LSM8: variants seen among roughly 807,000 people sequenced by gnomAD.
LSM8 encodes the protein LSM8 U6 small nuclear RNA associated.
In LSM8, 14 loss-of-function variants were observed where a neutral mutation model predicts 15.0. The ratio of observed to expected loss-of-function variants is 0.93; its 90% CI spans 0.62 to 1.46. LSM8 has a LOEUF of 1.46. LSM8 is among the 40% of genes most tolerant of loss of function. The pLI, the probability that LSM8 is intolerant of heterozygous loss-of-function variation, is 0.00. For synonymous variants in LSM8, 50 were observed against 42.1 expected, an observed-to-expected ratio of 1.19 and a Z score of -0.73; for missense variants, 90 against 115.4, an observed-to-expected ratio of 0.78 and a Z score of 1.01.
intron 3 of LSM8, chr7:118,190,032 G>T (rs1037553208): frequency 1.3e-5 from 2 of 152,136 alleles, no homozygotes; most frequent in African/African-American, 4.8e-5. Flanking sequence ...AATATAGTTG[G>T]AAAGAAGCAA....
chr7:118,192,804 A>G lies in LSM8; in HGVS notation c.*802A>G, dbSNP rs1203562762. On this transcript the variant is annotated 3_prime_UTR_variant, in exon 4 of 4. Coordinates refer to ENST00000249299, the MANE Select transcript of LSM8 (RefSeq NM_016200.5). ...AAAGTTAGTTTATAAATGTGAGTAA[A>G]TAAACTCTAAGTTTGTATTGAAGTA... 1.3e-5 allele frequency: 2 copies of G among 152,190 alleles called. No homozygotes were observed. The highest frequency in any genetic ancestry group is 4.8e-5 in the African/African-American group (2 of 41,456). 9.4% of individuals were successfully genotyped at this position (152,190 alleles called of 1,614,324 possible).
chr7:118,188,594 C>T, intron 3 of LSM8, 189 bp downstream of exon 3: 1 of 457,240 alleles, frequency 2.2e-6, no homozygotes, highest in Non-Finnish European at 3.7e-6. Context: ...TATGTCAGCA[C>T]TTCTTTAGGT....
In LSM8 at chr7:118,195,944, T is replaced by G. The variant is rs1268599725; in HGVS notation, c.*3942T>G. ...ATTGTGAGATATCTAGTACTTATGC[T>G]CCATCCTGTTTATAGGGATTATTGA... On this transcript the variant is annotated 3_prime_UTR_variant, in exon 4 of 4. Coordinates refer to ENST00000249299, the MANE Select transcript of LSM8 (RefSeq NM_016200.5). 2.0e-5 allele frequency among the ~76,000 whole-genome samples: 3 copies of G among 152,230 alleles called. No individual in the cohort carries two copies. The highest frequency in any genetic ancestry group is 6.5e-5 in the Admixed American group (1 of 15,288).
At position 118,198,487 on chromosome 7, in the gene LSM8, T is replaced by C. The variant is rs575839223; in HGVS notation, c.*6485T>C. On this transcript the variant is annotated 3_prime_UTR_variant, in exon 4 of 4. Transcript: ENST00000249299. ...CTGCATGACAGTAACAGAGATGACATGCCCGGTAAACTGGTGTTTGAAGGC... is the reference window on the plus strand; with the variant it reads ...CTGCATGACAGTAACAGAGATGACACGCCCGGTAAACTGGTGTTTGAAGGC... 2.0e-5 allele frequency among the ~76,000 whole-genome samples: 3 copies of C among 152,294 alleles called. No individual in the cohort carries two copies. The highest frequency in any genetic ancestry group is 6.5e-5 in the Admixed American group (1 of 15,286).
rs766430466 is a variant in LSM8 at position 118,196,577 on chromosome 7, T to A, written c.*4575T>A. ...GCTGAGAATTGTTCTTCCAGATACCTTTCCGACCTCTTCTTGGTTTTGGCA... is the reference window on the plus strand; with the variant it reads ...GCTGAGAATTGTTCTTCCAGATACCATTCCGACCTCTTCTTGGTTTTGGCA... On this transcript the variant is annotated 3_prime_UTR_variant, in exon 4 of 4. Transcript: ENST00000249299. Among the ~76,000 whole-genome samples, 2 of 152,020 alleles carry A rather than the reference T, an allele frequency of 1.3e-5. No homozygotes were observed. Among genetic ancestry groups the A allele is most frequent in the Non-Finnish European group, 2.9e-5 (2 of 67,972 alleles).
rs1299802189 is a variant in LSM8 at position 118,189,981 on chromosome 7, A to G, written c.200+1576A>G. ...TTAGTATAGTTATAGAGGCTAGAAG[A>G]ATGCCAAATCAGTTTTCTAGTGAGT... On this transcript the variant is annotated intron_variant, in intron 3 of 3. Transcript: ENST00000249299. 2.6e-5 allele frequency: 4 copies of G among 152,228 alleles called. No homozygotes were observed. The East Asian group carries it at 7.7e-4, about 29-fold the overall frequency. 9.4% of individuals were successfully genotyped at this position (152,228 alleles called of 1,614,324 possible).
At chr7:118,188,248 C>T (rs1360061906) in intron 2 of LSM8, 30 bp from the exon 3 acceptor site, 6 of 1,608,382 alleles carry the variant, frequency 3.7e-6, no homozygotes, top group East Asian at 2.2e-5. Context: ...CAGAATATTT[C>T]TCTTTTTCTC....
rs935633154 is a variant in LSM8 at position 118,200,365 on chromosome 7, A to G, written c.*8363A>G. 6.6e-6 allele frequency among the ~76,000 whole-genome samples: 1 copy of G among 152,080 alleles called. No homozygotes were observed. The highest frequency in any genetic ancestry group is 2.4e-5 in the African/African-American group (1 of 41,412). ...GATGCAGCTCTCACTGGTACAAGTG[A>G]AAAACCTCTCAGCCCTACACAGCAT... On this transcript the variant is annotated 3_prime_UTR_variant, in exon 4 of 4. Transcript: ENST00000249299.
rs928691978 is a variant in LSM8, at chr7:118,197,569, A to G, written c.*5567A>G. Among the ~76,000 whole-genome samples, 7 of 152,174 alleles carry G rather than the reference A, an allele frequency of 4.6e-5. No homozygotes were observed. Among genetic ancestry groups the G allele is most frequent in the African/African-American group, 7.2e-5 (3 of 41,452 alleles). On this transcript the variant is annotated 3_prime_UTR_variant, in exon 4 of 4. Coordinates refer to ENST00000249299, the MANE Select transcript of LSM8 (RefSeq NM_016200.5). ...AAATAAATGCCCTGAAAGTGATCACAATGATAGTTAAAAGTTAAATTTTTT... is the reference window on the plus strand; with the variant it reads ...AAATAAATGCCCTGAAAGTGATCACGATGATAGTTAAAAGTTAAATTTTTT...
chr7:118,184,430 C>G (rs1808848608), intron 1 of LSM8, 176 bp downstream of exon 1: 1 of 674,748 alleles, frequency 1.5e-6, no homozygotes, highest in South Asian at 2.8e-5. Context: ...CCCGCTGCTG[C>G]GGGCCCAGGG....
rs1415161323 is a variant in LSM8, at chr7:118,202,547, T to A, written c.*10545T>A. Among the ~76,000 whole-genome samples the A allele has an allele frequency of 6.6e-6, 1 of 151,978 alleles. No homozygotes were observed. The highest frequency in any genetic ancestry group is 2.4e-5 in the African/African-American group (1 of 41,424). On this transcript the variant is annotated 3_prime_UTR_variant, in exon 4 of 4. Coordinates refer to ENST00000249299, the MANE Select transcript of LSM8 (RefSeq NM_016200.5). Reference sequence around the variant, plus strand: ...GAGATTATCATATGGGAAAAATAAATGCTTTCCCAACTATAACCAGCAGAC... The same window carrying A: ...GAGATTATCATATGGGAAAAATAAAAGCTTTCCCAACTATAACCAGCAGAC...
At chr7:118,189,963 A>G (rs1808951287) in intron 3 of LSM8, 1 of 152,200 alleles carries the variant, frequency 6.6e-6, no homozygotes, top group African/African-American at 2.4e-5. Flanking sequence ...GTATTAGTAT[A>G]GTTATAGAGG....
chr7:118,200,710 CT>C lies in LSM8; in HGVS notation c.*8711del, dbSNP rs1322577201. 6.6e-6 allele frequency among the ~76,000 whole-genome samples: 1 copy of C among 151,902 alleles called. No homozygotes were observed. The highest frequency in any genetic ancestry group is 2.4e-5 in the African/African-American group (1 of 41,338). The stretch of plus-strand genomic sequence containing the variant: ...TAATTAATTGATAAATCACATTGTA[CT>C]TTATAAGAGTTTATTCCTTAAGTGT... On this transcript the variant is annotated 3_prime_UTR_variant, in exon 4 of 4. Transcript: ENST00000249299.
rs1809184700 is a variant in LSM8, at chr7:118,202,354, A to C, written c.*10352A>C. On this transcript the variant is annotated 3_prime_UTR_variant, in exon 4 of 4. Transcript: ENST00000249299. ...CATTTATCTCGAGAGAAAAGAACAG[A>C]AAAGTGAAAAGCAAGGCAGTTCAGA... is the stretch of plus-strand genomic sequence containing the variant. Among the ~76,000 whole-genome samples, 1 of 151,992 alleles carries C rather than the reference A, an allele frequency of 6.6e-6. No homozygotes were observed. Among genetic ancestry groups the C allele is most frequent in the Non-Finnish European group, 1.5e-5 (1 of 67,932 alleles).
chr7:118,186,488 A>AC (rs1246691530), intron 2 of LSM8, among the ~76,000 whole-genome samples: 1 of 151,044 alleles, frequency 6.6e-6, no homozygotes, highest in Non-Finnish European at 1.5e-5. Flanking sequence ...AAGCCTTGTG[A>AC]TTTTTTTTCA....
At chr7:118,188,179 T>C (rs928934095) in intron 2 of LSM8, 99 bp from the exon 3 acceptor site, 3 of 1,343,742 alleles carry the variant, frequency 2.2e-6, no homozygotes, top group African/African-American at 2.9e-5. Flanking sequence ...TAGGTACTTG[T>C]ATTGGAATAC....
At chr7:118,191,725 A>C in intron 3 of LSM8, 187 bp from the exon 4 acceptor site, 1 of 516,906 alleles carries the variant, frequency 1.9e-6, no homozygotes. Context: ...GAGTTTTGTG[A>C]CTTAAATATG....
chr7:118,192,230 A>T lies in LSM8; in HGVS notation c.*228A>T, dbSNP rs1808995142. The T allele has an allele frequency of 8.6e-6, 3 of 350,768 alleles. No homozygotes were observed. The South Asian group carries it at 1.8e-4, about 21-fold the overall frequency. The allele number at this position is 350,768 out of a possible 1,614,324, so 21.7% of individuals were successfully genotyped here. A position where few individuals can be genotyped will look rare whatever the true frequency, so the allele number is the denominator to read the frequency against. Reference sequence around the variant, plus strand: ...CTTTTTTTTATTAAATAGTGTGAAAATATAATGGGCATTTTGAAAACTTTT... The same window carrying T: ...CTTTTTTTTATTAAATAGTGTGAAATTATAATGGGCATTTTGAAAACTTTT... On this transcript the variant is annotated 3_prime_UTR_variant, in exon 4 of 4. Coordinates refer to ENST00000249299, the MANE Select transcript of LSM8 (RefSeq NM_016200.5).
Position 118,195,147 on chromosome 7 carries a change from C to T in LSM8, c.*3145C>T, listed in dbSNP as rs1349602861. ...AAGGTGCTTTAAAAATTTTCTTGGG[C>T]CCTACTCGTTGTGGTTCAGCAGCTG... On this transcript the variant is annotated 3_prime_UTR_variant, in exon 4 of 4. Coordinates refer to ENST00000249299, the MANE Select transcript of LSM8 (RefSeq NM_016200.5). Among the ~76,000 whole-genome samples the T allele has an allele frequency of 6.6e-6, 1 of 152,048 alleles. No homozygotes were observed. The highest frequency in any genetic ancestry group is 1.9e-4 in the East Asian group (1 of 5,184).
Sources: gnomAD v4.1 joint callset for allele counts (sites outside exome capture counted in the v4.1 genomes callset) on GRCh38, gnomAD v4.1.1 for gene constraint, MANE v1.5 for transcripts, NCBI Gene and HGNC (gene_info 2026-07-23, HGNC 2026-07-21) for gene names.